SKIC3: variants seen among roughly 807,000 people sequenced by gnomAD.
The protein encoded by SKIC3 is SKI3 subunit of superkiller complex.
the SKIC3 span, chr5:95,543,099 C>T: frequency 1.0e-5 from 15 of 1,496,296 alleles, no homozygotes; most frequent in African/African-American, 2.8e-5. Flanking sequence ...GGTTTAAATG[C>T]TTAGTTTAAT....
chr5:95,465,306 A>G, the SKIC3 span, among the ~76,000 whole-genome samples: 2 of 152,204 alleles, frequency 1.3e-5, no homozygotes, highest in African/African-American at 4.8e-5. Flanking sequence ...TGTCACCTCT[A>G]AACTCTTACT....
chr5:95,544,824 TGAAA>T, the SKIC3 span, among the ~76,000 whole-genome samples: 1 of 152,178 alleles, frequency 6.6e-6, no homozygotes, highest in South Asian at 2.1e-4. Context: ...TATGAGATTC[TGAAA>T]GAACATAGAG....
At chr5:95,481,328 A>G in the SKIC3 span, among the ~76,000 whole-genome samples, 1 of 152,040 alleles carries the variant, frequency 6.6e-6, no homozygotes, top group Admixed American at 6.5e-5. Context: ...GATAGTTTTA[A>G]AAAGGGGAGT....
chr5:95,534,213 G>GA, the SKIC3 span, among the ~76,000 whole-genome samples: 3,329 of 138,860 alleles, frequency 0.024, 38 homozygotes, highest in Middle Eastern at 0.044. Flanking sequence ...TTCCTATCAG[G>GA]AAAAAAAAAA....
the SKIC3 span, among the ~76,000 whole-genome samples, chr5:95,540,100 C>T: frequency 6.6e-6 from 1 of 152,058 alleles, no homozygotes; most frequent in African/African-American, 2.4e-5. Flanking sequence ...TGGAATACTA[C>T]TCAGCTATAA....
At chr5:95,524,640 A>C in the SKIC3 span, 10 of 1,608,430 alleles carry the variant, frequency 6.2e-6, no homozygotes, top group Admixed American at 3.3e-5. Flanking sequence ...AAATACACAC[A>C]CACCCACACG....
the SKIC3 span, chr5:95,528,105 G>C: frequency 6.2e-7 from 1 of 1,613,790 alleles, no homozygotes; most frequent in East Asian, 2.2e-5. Context: ...AGATTCCTCT[G>C]ATAAAGACTG....
At chr5:95,502,835 T>C in the SKIC3 span, 8 of 1,607,268 alleles carry the variant, frequency 5.0e-6, no homozygotes, top group Non-Finnish European at 6.8e-6. Context: ...AACCCAAATA[T>C]CTAAGTATCT....
the SKIC3 span, among the ~76,000 whole-genome samples, chr5:95,550,430 T>C: frequency 7.0e-6 from 1 of 142,052 alleles, no homozygotes; most frequent in Middle Eastern, 3.4e-3. Flanking sequence ...TTAAATCTAA[T>C]AACAAAAGGT....
the SKIC3 span, chr5:95,513,763 A>C: frequency 1.1e-5 from 10 of 900,798 alleles, no homozygotes; most frequent in Non-Finnish European, 1.8e-5. Context: ...AGCAAAGTTA[A>C]CCTAAGTTTT....
At chr5:95,540,549 C>CA in the SKIC3 span, 1 of 1,039,956 alleles carries the variant, frequency 9.6e-7, no homozygotes. Flanking sequence ...TATACAGGTG[C>CA]AAATGAACAC....
At chr5:95,554,685 G>T in the SKIC3 span, among the ~76,000 whole-genome samples, 2 of 152,158 alleles carry the variant, frequency 1.3e-5, no homozygotes, top group East Asian at 1.9e-4. Flanking sequence ...AAGGTATTCG[G>T]GGGGGTCTAA....
the SKIC3 span, among the ~76,000 whole-genome samples, chr5:95,486,767 C>T: frequency 5.8e-4 from 88 of 152,256 alleles, no homozygotes; most frequent in African/African-American, 2.1e-3. Context: ...ACATTGTTGG[C>T]CTGGAGACTG....
the SKIC3 span, among the ~76,000 whole-genome samples, chr5:95,473,266 C>G: frequency 6.6e-6 from 1 of 152,082 alleles, no homozygotes; most frequent in Non-Finnish European, 1.5e-5. Flanking sequence ...TTCACCAGCA[C>G]CTGTTATTTT....
At chr5:95,465,978 T>C in the SKIC3 span, among the ~76,000 whole-genome samples, 2 of 152,236 alleles carry the variant, frequency 1.3e-5, no homozygotes, top group African/African-American at 4.8e-5. Context: ...TCCACCTTTT[T>C]GATTTGGAAT....
chr5:95,529,012 G>A, the SKIC3 span: 2 of 1,613,500 alleles, frequency 1.2e-6, no homozygotes, highest in Middle Eastern at 1.6e-4. Context: ...TTGACTGCAT[G>A]AAAGAACAGC....
At chr5:95,505,673 C>T in the SKIC3 span, among the ~76,000 whole-genome samples, 218 of 151,986 alleles carry the variant, frequency 1.4e-3, no homozygotes, top group African/African-American at 4.9e-3. Flanking sequence ...ATTAGCTGGG[C>T]GTGGTGGTGG....
chr5:95,505,679 G>T, the SKIC3 span, among the ~76,000 whole-genome samples: 2 of 152,044 alleles, frequency 1.3e-5, no homozygotes, highest in African/African-American at 2.4e-5. Flanking sequence ...TGGGCGTGGT[G>T]GTGGGCACCT....
chr5:95,487,008 G>A, the SKIC3 span, among the ~76,000 whole-genome samples: 1 of 152,198 alleles, frequency 6.6e-6, no homozygotes, highest in Non-Finnish European at 1.5e-5. Flanking sequence ...GTTGCCAAAA[G>A]AGAATAACAT....
Sources: gnomAD v4.1 joint callset for allele counts (sites outside exome capture counted in the v4.1 genomes callset) on GRCh38, gnomAD v4.1.1 for gene constraint, MANE v1.5 for transcripts, NCBI Gene and HGNC (gene_info 2026-07-23, HGNC 2026-07-21) for gene names.